The following FRMD3 variants were observed in gnomAD, a reference collection of about 807,000 sequenced individuals.
FRMD3 encodes the protein FERM domain containing 3, also known as FERM domain-containing protein 3.
Under a neutral mutation model 70.2 loss-of-function variants are expected in FRMD3, and 33 were observed. That is an observed-to-expected ratio of 0.47 (90% CI 0.36 to 0.63). The LOEUF is 0.63. FRMD3 is among the 20% of genes least tolerant of loss of function. FRMD3 has a pLI of 0.00. For missense variants in FRMD3, 632 were observed against 711.4 expected (o/e 0.89, Z 1.27); for synonymous variants, 279 against 255.9 (o/e 1.09, Z -0.86).
intron 3 of FRMD3, among the ~76,000 whole-genome samples, chr9:83,369,721 TAAC>T (rs1824910248): frequency 6.6e-6 from 1 of 151,662 alleles, no homozygotes; most frequent in African/African-American, 2.4e-5. Flanking sequence ...CAAGAAAAAA[TAAC>T]AAGATGAAGA....
rs561338081 is a variant in FRMD3 at position 83,422,828 on chromosome 9, G to C, written c.148-33120C>G. 2.0e-5 allele frequency among the ~76,000 whole-genome samples: 3 copies of C among 152,320 alleles called. No homozygotes were observed. The East Asian group carries it at 5.8e-4, about 29-fold the overall frequency. The stretch of plus-strand genomic sequence containing the variant: ...AATGTTTAGAGATGATCAGCATGAA[G>C]AGGCGAAAAATAAAGGAGTCTTAAA... On this transcript the variant is annotated intron_variant, in intron 1 of 13. Transcript: ENST00000304195.
chr9:83,361,392 A>T (rs1182724351), intron 3 of FRMD3, among the ~76,000 whole-genome samples: 1 of 152,234 alleles, frequency 6.6e-6, no homozygotes, highest in Non-Finnish European at 1.5e-5. Context: ...GGAGATTATG[A>T]TTAGACAAGT....
chr9:83,517,794 C>T lies in FRMD3; in HGVS notation c.147+20291G>A, dbSNP rs554871713. Among the ~76,000 whole-genome samples the T allele has an allele frequency of 2.6e-5, 4 of 152,304 alleles. No individual in the cohort carries two copies. The East Asian group carries it at 7.7e-4, about 29-fold the overall frequency. On this transcript the variant is annotated intron_variant, in intron 1 of 13. Transcript: ENST00000304195. ...CATCGAAAAGCTTATCCACCACGAT[C>T]AAGTCAGCTTCATCCCTGGGATGCA...
intron 13 of FRMD3, among the ~76,000 whole-genome samples, chr9:83,249,318 G>T (rs1243598534): frequency 6.6e-6 from 1 of 152,178 alleles, no homozygotes; most frequent in Non-Finnish European, 1.5e-5. Context: ...TATTGAGAGA[G>T]AGGTGTTTCT....
chr9:83,387,443 G>C (rs1825543949), intron 2 of FRMD3, among the ~76,000 whole-genome samples: 1 of 152,062 alleles, frequency 6.6e-6, no homozygotes, highest in African/African-American at 2.4e-5. Context: ...TTCCTTAAAG[G>C]CTTTTCAGCA....
chr9:83,441,823 C>A (rs7022758), intron 1 of FRMD3, among the ~76,000 whole-genome samples: 3 of 151,898 alleles, frequency 2.0e-5, no homozygotes, highest in Admixed American at 2.0e-4. Flanking sequence ...TTTCTTCCTG[C>A]CTTTACATAC....
At chr9:83,441,360 C>A (rs1027498936) in intron 1 of FRMD3, among the ~76,000 whole-genome samples, 15 of 152,100 alleles carry the variant, frequency 9.9e-5, no homozygotes, top group African/African-American at 3.6e-4. Flanking sequence ...GGCAATTCAC[C>A]AGTCGAGGAT....
At chr9:83,292,601 A>G (rs10867977) in intron 12 of FRMD3, among the ~76,000 whole-genome samples, 84,008 of 152,164 alleles carry the variant, frequency 0.55, 24,684 homozygotes, top group South Asian at 0.73. Context: ...TTTAAGTCCC[A>G]GTCTTGATCA....
intron 1 of FRMD3, among the ~76,000 whole-genome samples, chr9:83,494,851 G>A (rs1341155332): frequency 2.0e-5 from 3 of 147,762 alleles, no homozygotes; most frequent in Non-Finnish European, 4.5e-5. Flanking sequence ...GTGTGTGTGT[G>A]TGTGTGTGCG....
At chr9:83,375,677 T>C (rs1439128455) in intron 2 of FRMD3, among the ~76,000 whole-genome samples, 1 of 152,116 alleles carries the variant, frequency 6.6e-6, no homozygotes, top group Non-Finnish European at 1.5e-5. Context: ...TGAGAATACA[T>C]GGGCACATAG....
intron 6 of FRMD3, among the ~76,000 whole-genome samples, chr9:83,314,371 A>T (rs889334072): frequency 6.6e-6 from 1 of 152,226 alleles, no homozygotes; most frequent in Non-Finnish European, 1.5e-5. Flanking sequence ...AGACTATGCA[A>T]CATTTCAAAG....
intron 1 of FRMD3, among the ~76,000 whole-genome samples, chr9:83,484,115 A>G (rs1224093320): frequency 6.6e-6 from 1 of 152,232 alleles, no homozygotes. Flanking sequence ...GGCCAACTTA[A>G]TAATCAGTGC....
chr9:83,547,659 G>A, the FRMD3 span, among the ~76,000 whole-genome samples: 1 of 152,008 alleles, frequency 6.6e-6, no homozygotes, highest in African/African-American at 2.4e-5. Flanking sequence ...AGAAACTCTG[G>A]ACTTAAATCA....
intron 6 of FRMD3, among the ~76,000 whole-genome samples, chr9:83,330,369 G>C (rs1836213590): frequency 6.6e-6 from 1 of 151,938 alleles, no homozygotes; most frequent in African/African-American, 2.4e-5. Flanking sequence ...AAGTCCTCAG[G>C]GGTTGCAGCA....
At chr9:83,315,803 G>A (rs185821017) in intron 6 of FRMD3, among the ~76,000 whole-genome samples, 174 of 152,280 alleles carry the variant, frequency 1.1e-3, no homozygotes, top group Non-Finnish European at 1.9e-3. Flanking sequence ...TTCTAGGCAC[G>A]CACACCGGGT....
At chr9:83,313,288 C>A (rs1378254663) in intron 7 of FRMD3, among the ~76,000 whole-genome samples, 3 of 152,158 alleles carry the variant, frequency 2.0e-5, no homozygotes, top group Admixed American at 6.5e-5. Context: ...AACTTGAAAT[C>A]TTTCTTTTTT....
chr9:83,382,903 C>T (rs1825400167), intron 2 of FRMD3, among the ~76,000 whole-genome samples: 1 of 152,028 alleles, frequency 6.6e-6, no homozygotes, highest in Non-Finnish European at 1.5e-5. Context: ...AACATCTCCA[C>T]CTCAACTTCT....
At chr9:83,390,511 G>T (rs868541848) in intron 1 of FRMD3, among the ~76,000 whole-genome samples, 1 of 152,194 alleles carries the variant, frequency 6.6e-6, no homozygotes, top group African/African-American at 2.4e-5. Flanking sequence ...CCAAAGACAG[G>T]CCTGTGTGAC....
chr9:83,298,892 T>A, intron 11 of FRMD3, 76 bp from the exon 12 acceptor site: 2 of 1,404,442 alleles, frequency 1.4e-6, no homozygotes, highest in Non-Finnish European at 2.0e-6. Context: ...AGTGTCCTTT[T>A]GTTAACTTCA....
Sources: gnomAD v4.1 joint callset for allele counts (sites outside exome capture counted in the v4.1 genomes callset) on GRCh38, gnomAD v4.1.1 for gene constraint, MANE v1.5 for transcripts, NCBI Gene and HGNC (gene_info 2026-07-23, HGNC 2026-07-21) for gene names.